Variants in AGBL1 observed in about 807,000 individuals in gnomAD.
AGBL1 encodes the protein AGBL carboxypeptidase 1.
In AGBL1, 130 loss-of-function variants were observed where a neutral mutation model predicts 118.9. That is an observed-to-expected ratio of 1.09 (90% confidence interval 0.95 to 1.26). The LOEUF (loss-of-function observed/expected upper bound fraction) is 1.26. Among genes scored for constraint, AGBL1 ranks in the 50% most tolerant of loss-of-function variants. The probability of loss-of-function intolerance (pLI) is 0.00; values close to 1 mark genes in which losing one functional copy is unlikely to be tolerated. For synonymous variants in AGBL1, 555 were observed against 478.9 expected (o/e 1.16, Z -2.08); for missense variants, 1,584 against 1,298.1 (o/e 1.22, Z -3.38).
Position 86,882,206 on chromosome 15 carries a change from C to T in AGBL1, c.3159-24881C>T, listed in dbSNP as rs367601973. 8.5e-5 allele frequency among the ~76,000 whole-genome samples: 13 copies of T among 152,266 alleles called. No individual in the cohort carries two copies. In the East Asian group the frequency reaches 2.1e-3, roughly 25 times the overall value. ...CATGACAATGGTTTTTTGAGAAGAA[C>T]TTGCTGTACTTTGTTTCCTAATCAC... is the stretch of plus-strand genomic sequence containing the variant. On this transcript the variant is annotated intron_variant, in intron 22 of 22. Transcript: ENST00000614907.
At chr15:86,402,492 T>C (rs761334197) in intron 18 of AGBL1, among the ~76,000 whole-genome samples, 47 of 152,164 alleles carry the variant, frequency 3.1e-4, no homozygotes, top group Non-Finnish European at 5.9e-4. Flanking sequence ...CTATGTTGAA[T>C]AGAAGTGATT....
chr15:86,335,100 C>G (rs1595982866), intron 17 of AGBL1, among the ~76,000 whole-genome samples: 1 of 151,504 alleles, frequency 6.6e-6, no homozygotes, highest in South Asian at 2.1e-4. Context: ...AAATGGATAC[C>G]ACAGAAGAAA....
chr15:86,538,481 A>G (rs148096184), intron 19 of AGBL1, among the ~76,000 whole-genome samples: 180 of 152,296 alleles, frequency 1.2e-3, no homozygotes, highest in African/African-American at 3.8e-3. Flanking sequence ...ACGTGTCACC[A>G]ATATCATTTC....
intron 16 of AGBL1, among the ~76,000 whole-genome samples, chr15:86,282,302 A>G (rs551611768): frequency 1.8e-4 from 28 of 152,254 alleles, no homozygotes; most frequent in African/African-American, 6.5e-4. Flanking sequence ...AGGCCTTGTT[A>G]ATTGATGCTT....
intron 22 of AGBL1, among the ~76,000 whole-genome samples, chr15:86,856,679 T>C (rs2079486342): frequency 6.6e-6 from 1 of 152,236 alleles, no homozygotes; most frequent in Non-Finnish European, 1.5e-5. Context: ...TTATTTCCAT[T>C]CCACAGATGA....
At chr15:86,208,570 T>C (rs1337324208) in intron 5 of AGBL1, among the ~76,000 whole-genome samples, 1 of 152,206 alleles carries the variant, frequency 6.6e-6, no homozygotes, top group African/African-American at 2.4e-5. Context: ...GTCCAGGAAT[T>C]TATCCATTTC....
At chr15:86,635,141 C>T (rs969163999) in intron 21 of AGBL1, among the ~76,000 whole-genome samples, 4 of 151,810 alleles carry the variant, frequency 2.6e-5, no homozygotes, top group African/African-American at 7.3e-5. Flanking sequence ...ATGAGTGCTT[C>T]CTTCATATTT....
chr15:86,270,518 A>C (rs1453179548), intron 14 of AGBL1, among the ~76,000 whole-genome samples: 5 of 152,222 alleles, frequency 3.3e-5, no homozygotes, highest in Non-Finnish European at 7.3e-5. Context: ...TGGAGGAGAT[A>C]TTCAAGAGAG....
chr15:86,629,298 T>A (rs565087583), intron 21 of AGBL1, among the ~76,000 whole-genome samples: 1 of 152,262 alleles, frequency 6.6e-6, no homozygotes, highest in Non-Finnish European at 1.5e-5. Flanking sequence ...ATTTAAGAAA[T>A]GCCAAGATGC....
intron 19 of AGBL1, among the ~76,000 whole-genome samples, chr15:86,524,053 C>G (rs1348421162): frequency 1.3e-5 from 2 of 152,146 alleles, no homozygotes; most frequent in Non-Finnish European, 2.9e-5. Context: ...TACTATGTGA[C>G]AAAAAGGTGG....
intron 23 of AGBL1, among the ~76,000 whole-genome samples, chr15:86,941,667 C>T (rs1342543808): frequency 2.0e-5 from 3 of 152,132 alleles, no homozygotes; most frequent in Non-Finnish European, 2.9e-5. Context: ...GGAAAACTGC[C>T]CTCCAGGAAA....
At chr15:86,971,943 T>A (rs1274341416) in intron 23 of AGBL1, among the ~76,000 whole-genome samples, 1 of 151,934 alleles carries the variant, frequency 6.6e-6, no homozygotes, top group Non-Finnish European at 1.5e-5. Flanking sequence ...GCTTGGCACT[T>A]CCCCTTCCTG....
At chr15:86,608,749 G>C (rs1264186767) in intron 21 of AGBL1, among the ~76,000 whole-genome samples, 1 of 152,112 alleles carries the variant, frequency 6.6e-6, no homozygotes, top group East Asian at 1.9e-4. Context: ...CCAAAATGTG[G>C]GCTCAAGTCA....
intron 21 of AGBL1, among the ~76,000 whole-genome samples, chr15:86,657,029 C>T (rs952202945): frequency 1.3e-5 from 2 of 152,106 alleles, no homozygotes; most frequent in Non-Finnish European, 2.9e-5. Flanking sequence ...GTTCTCTGGC[C>T]CTTATTTCTT....
chr15:86,555,936 T>A (rs535222781), intron 21 of AGBL1, among the ~76,000 whole-genome samples: 70 of 152,338 alleles, frequency 4.6e-4, no homozygotes, highest in Non-Finnish European at 5.6e-4. Context: ...ATTGTGACTT[T>A]AAGGCCTTAT....
intron 21 of AGBL1, among the ~76,000 whole-genome samples, chr15:86,647,980 C>T (rs947556861): frequency 1.3e-5 from 2 of 152,112 alleles, no homozygotes; most frequent in African/African-American, 2.4e-5. Context: ...TTCTAAGGAA[C>T]AGCAATGTGG....
intron 21 of AGBL1, among the ~76,000 whole-genome samples, chr15:86,638,874 G>A (rs183014161): frequency 6.6e-6 from 1 of 152,094 alleles, no homozygotes; most frequent in Admixed American, 6.5e-5. Context: ...ACCTTTCACA[G>A]GCTACCATCC....
intron 22 of AGBL1, among the ~76,000 whole-genome samples, chr15:86,738,430 G>A (rs78025004): frequency 6.7e-6 from 1 of 150,114 alleles, no homozygotes; most frequent in East Asian, 2.0e-4. Flanking sequence ...GAAAAAAAAA[G>A]AAGTCAAATT....
At chr15:86,598,526 G>A (rs541664844) in intron 21 of AGBL1, among the ~76,000 whole-genome samples, 1 of 152,232 alleles carries the variant, frequency 6.6e-6, no homozygotes, top group African/African-American at 2.4e-5. Context: ...GGGATGTAGA[G>A]CAATGCAATT....
Sources: allele counts gnomAD v4.1 joint callset (sites outside exome capture counted in the v4.1 genomes callset), GRCh38; gene constraint gnomAD v4.1.1; transcripts MANE v1.5; gene names NCBI Gene and HGNC (gene_info 2026-07-23, HGNC 2026-07-21).